Variants in SAMMSON observed in about 807,000 individuals in gnomAD.
The protein encoded by SAMMSON is long intergenic non-protein coding RNA 1212.
intron 2 of SAMMSON, among the ~76,000 whole-genome samples, chr3:70,401,922 A>G (rs1341603794): frequency 4.6e-5 from 7 of 152,192 alleles, no homozygotes; most frequent in Non-Finnish European, 8.8e-5. Flanking sequence ...AACCTTTACT[A>G]AAGAAGTGCT....
chr3:70,194,724 G>A (rs1006927527), intron 4 of SAMMSON, among the ~76,000 whole-genome samples: 1 of 152,142 alleles, frequency 6.6e-6, no homozygotes, highest in African/African-American at 2.4e-5. Flanking sequence ...CACAATCTTT[G>A]CATAATTTGA....
intron 6 of SAMMSON, among the ~76,000 whole-genome samples, chr3:70,258,378 C>T (rs1701836496): frequency 6.6e-6 from 1 of 151,928 alleles, no homozygotes. Context: ...ATTTACAGTT[C>T]ATTTATTGGA....
At chr3:70,270,980 C>G (rs1342072337) in intron 6 of SAMMSON, among the ~76,000 whole-genome samples, 1 of 151,858 alleles carries the variant, frequency 6.6e-6, no homozygotes, top group East Asian at 1.9e-4. Context: ...ACATGTATAC[C>G]TATATAACAA....
chr3:70,254,592 C>A (rs1701797228), intron 6 of SAMMSON, among the ~76,000 whole-genome samples: 1 of 152,114 alleles, frequency 6.6e-6, no homozygotes, highest in African/African-American at 2.4e-5. Flanking sequence ...GGTTATCATA[C>A]TTAGCAAACC....
intron 7 of SAMMSON, among the ~76,000 whole-genome samples, chr3:70,341,966 G>A (rs1402597165): frequency 6.6e-6 from 1 of 152,150 alleles, no homozygotes; most frequent in African/African-American, 2.4e-5. Flanking sequence ...TAAATCCAAA[G>A]TAAATATTTG....
chr3:70,093,449 C>G (rs2067312617), intron 4 of SAMMSON, among the ~76,000 whole-genome samples: 1 of 152,016 alleles, frequency 6.6e-6, no homozygotes, highest in African/African-American at 2.4e-5. Flanking sequence ...ATCTTTCTGC[C>G]TCAAGAAAAG....
At chr3:70,111,058 G>T (rs1052471832) in intron 4 of SAMMSON, among the ~76,000 whole-genome samples, 8 of 152,142 alleles carry the variant, frequency 5.3e-5, no homozygotes, top group African/African-American at 1.9e-4. Flanking sequence ...ATCAATAAAG[G>T]CATGTCTCTT....
intron 7 of SAMMSON, among the ~76,000 whole-genome samples, chr3:70,294,759 C>A (rs1270719181): frequency 6.6e-6 from 1 of 152,008 alleles, no homozygotes; most frequent in Non-Finnish European, 1.5e-5. Context: ...AGATTTTTTT[C>A]CATGTCATTT....
chr3:70,148,186 A>C (rs1218337877), intron 4 of SAMMSON, among the ~76,000 whole-genome samples: 1 of 152,130 alleles, frequency 6.6e-6, no homozygotes, highest in African/African-American at 2.4e-5. Context: ...TACTGATGGG[A>C]ATGCCAAATT....
rs142187430 is a variant in SAMMSON, at chr3:70,410,609, C to A, written n.234-51951C>A. 8.3e-4 allele frequency among the ~76,000 whole-genome samples: 126 copies of A among 152,122 alleles called. 2 individuals carry two copies. The highest frequency in any genetic ancestry group is 2.9e-3 in the African/African-American group (121 of 41,504). ...TCTTTACTGCAAGATTTTTTTAAAA[C>A]CTTCATTATGGCAATGAGAATTATA... On this transcript the variant is annotated intron_variant and non_coding_transcript_variant, in intron 2 of 3. Transcript: ENST00000641053.
At chr3:70,030,397 C>A (rs986839457) in intron 3 of SAMMSON, 1 of 152,172 alleles carries the variant, frequency 6.6e-6, no homozygotes, top group Admixed American at 6.5e-5. Context: ...GATGGGTGAT[C>A]ATCTTGCTTC....
At chr3:70,352,178 CAAAT>C (rs1702799428) in intron 7 of SAMMSON, among the ~76,000 whole-genome samples, 1 of 149,258 alleles carries the variant, frequency 6.7e-6, no homozygotes, top group Non-Finnish European at 1.5e-5. Flanking sequence ...AAGTTAAACA[CAAAT>C]AACTTCATCC....
chr3:70,253,722 C>T lies in SAMMSON; in HGVS notation n.674+4052C>T, dbSNP rs369073959. 3.6e-4 allele frequency among the ~76,000 whole-genome samples: 54 copies of T among 152,004 alleles called. 2 individuals are homozygous for T. The Middle Eastern group carries it at 0.014, about 38-fold the overall frequency. On this transcript the variant is annotated intron_variant and non_coding_transcript_variant, in intron 6 of 9. Coordinates refer to ENST00000642114, the Ensembl canonical transcript of SAMMSON. ...TGGGCTACAGTGCAAAACCCCAACT[C>T]TAAAAAAAGTAAAAATACAAATAAA...
Position 70,261,408 on chromosome 3 carries a change from C to T in SAMMSON, n.674+11738C>T, listed in dbSNP as rs182341773. 2.6e-5 allele frequency among the ~76,000 whole-genome samples: 4 copies of T among 152,338 alleles called. No homozygotes were observed. In the East Asian group the frequency reaches 7.7e-4, roughly 29 times the overall value. On this transcript the variant is annotated intron_variant and non_coding_transcript_variant, in intron 6 of 9. Transcript: ENST00000642114. ...AATCTGAAACCTCAGCAGCTTCACT[C>T]TCACTGTATCAGCTGCAGCCATCTA...
intron 4 of SAMMSON, among the ~76,000 whole-genome samples, chr3:70,121,092 T>C (rs2067431005): frequency 6.6e-6 from 1 of 152,198 alleles, no homozygotes; most frequent in Non-Finnish European, 1.5e-5. Context: ...GAGCACGCAA[T>C]CTAGATTCCT....
chr3:70,374,522 T>A (rs1166629962), intron 9 of SAMMSON, among the ~76,000 whole-genome samples: 1 of 152,052 alleles, frequency 6.6e-6, no homozygotes, highest in Non-Finnish European at 1.5e-5. Flanking sequence ...GTGGTGGAGT[T>A]TATTATTGCT....
At chr3:70,059,213 G>T (rs575338985) in intron 3 of SAMMSON, among the ~76,000 whole-genome samples, 2 of 152,180 alleles carry the variant, frequency 1.3e-5, no homozygotes, top group East Asian at 3.9e-4. Context: ...TAAATCAATA[G>T]AAATTTAATT....
intron 2 of SAMMSON, among the ~76,000 whole-genome samples, chr3:70,408,391 C>T (rs1219961364): frequency 6.6e-6 from 1 of 152,194 alleles, no homozygotes; most frequent in Admixed American, 6.5e-5. Context: ...GCTCTGCTTT[C>T]CTTATAAAAC....
At chr3:70,136,462 C>T (rs1304986167) in intron 4 of SAMMSON, among the ~76,000 whole-genome samples, 5 of 152,214 alleles carry the variant, frequency 3.3e-5, no homozygotes, top group Non-Finnish European at 7.3e-5. Context: ...GGAAATGAAT[C>T]CTCTGGCCCC....
Sources: gnomAD v4.1 joint callset for allele counts (sites outside exome capture counted in the v4.1 genomes callset) on GRCh38, gnomAD v4.1.1 for gene constraint, MANE v1.5 for transcripts, NCBI Gene and HGNC (gene_info 2026-07-23, HGNC 2026-07-21) for gene names.